Variants in DUSP16 observed in about 807,000 individuals in gnomAD.
DUSP16 encodes the protein dual specificity phosphatase 16, also known as dual specificity protein phosphatase 16.
Under a neutral mutation model 58.3 loss-of-function variants are expected in DUSP16, and 21 were observed. The ratio of observed to expected loss-of-function variants is 0.36; its 90% CI spans 0.26 to 0.52. DUSP16 has a LOEUF of 0.52. DUSP16 is among the 20% of genes least tolerant of loss of function. The probability of loss-of-function intolerance (pLI) is 0.94; values close to 1 mark genes in which losing one functional copy is unlikely to be tolerated. For missense variants in DUSP16, 726 were observed against 819.0 expected (o/e 0.89, Z 1.39); for synonymous variants, 320 against 323.8 (o/e 0.99, Z 0.12).
intron 5 of DUSP16, among the ~76,000 whole-genome samples, chr12:12,482,059 A>G (rs1471126387): frequency 6.6e-6 from 1 of 152,182 alleles, no homozygotes; most frequent in Admixed American, 6.5e-5. Context: ...CCTATTATTG[A>G]AAACTGCTTC....
chr12:12,478,175 A>G (rs1943494996), intron 6 of DUSP16, among the ~76,000 whole-genome samples, 160 bp from the exon 7 acceptor site: 1 of 152,198 alleles, frequency 6.6e-6, no homozygotes, highest in Non-Finnish European at 1.5e-5. Flanking sequence ...GGTGGAGAAT[A>G]CAAAGGCCCT....
At chr12:12,490,672 A>T (rs941146831) in intron 4 of DUSP16, among the ~76,000 whole-genome samples, 3 of 152,196 alleles carry the variant, frequency 2.0e-5, no homozygotes, top group Admixed American at 6.5e-5. Flanking sequence ...ATCACACCTA[A>T]GTGCATCTAC....
intron 1 of DUSP16, among the ~76,000 whole-genome samples, chr12:12,561,711 A>T (rs1944906806): frequency 6.6e-6 from 1 of 152,140 alleles, no homozygotes; most frequent in East Asian, 1.9e-4. Flanking sequence ...GTGTTGTGTA[A>T]CAGTCGCGCC....
chr12:12,479,872 T>C (rs1258482579), intron 6 of DUSP16, among the ~76,000 whole-genome samples: 3 of 152,226 alleles, frequency 2.0e-5, no homozygotes, highest in Non-Finnish European at 4.4e-5. Flanking sequence ...GTGAGCATTC[T>C]ATTAGAGCTT....
intron 1 of DUSP16, among the ~76,000 whole-genome samples, chr12:12,530,543 G>T (rs1357476451): frequency 6.6e-6 from 1 of 152,002 alleles, no homozygotes; most frequent in Non-Finnish European, 1.5e-5. Flanking sequence ...TGCTTTTGTT[G>T]TCCATGCTTT....
intron 4 of DUSP16, among the ~76,000 whole-genome samples, chr12:12,497,113 T>C (rs1943838707): frequency 6.6e-6 from 1 of 152,218 alleles, no homozygotes; most frequent in African/African-American, 2.4e-5. Context: ...CTGTAAAATA[T>C]CTCAGTAATT....
At chr12:12,521,799 C>T (rs1308101361) in intron 1 of DUSP16, among the ~76,000 whole-genome samples, 1 of 152,164 alleles carries the variant, frequency 6.6e-6, no homozygotes, top group Non-Finnish European at 1.5e-5. Flanking sequence ...TATTATTATT[C>T]CAAATAGTTT....
Position 12,473,995 on chromosome 12 carries a change from C to T in DUSP16, c.*2838G>A, listed in dbSNP as rs142745483. Among the ~76,000 whole-genome samples, 25 of 152,244 alleles carry T rather than the reference C, an allele frequency of 1.6e-4. 1 individual carries two copies. Among genetic ancestry groups the T allele is most frequent in the Middle Eastern group, 3.4e-3 (1 of 294 alleles). The stretch of plus-strand genomic sequence containing the variant: ...CTTTTTCACTGTAGTGTGCATTTAA[C>T]GTACACAGTAAAGAATGAAGGCTGG... On this transcript the variant is annotated 3_prime_UTR_variant, in exon 7 of 7. Coordinates refer to ENST00000298573, the MANE Select transcript of DUSP16 (RefSeq NM_030640.3).
In DUSP16 at chr12:12,562,268, T is replaced by C. The variant is rs1400323883; in HGVS notation, c.-517A>G. 3 of 144,802 alleles carry C rather than the reference T, an allele frequency of 2.1e-5. No individual in the cohort carries two copies. The East Asian group carries it at 6.8e-4, about 33-fold the overall frequency. The allele number at this position is 144,802 out of a possible 1,614,324, so 9.0% of individuals were successfully genotyped here. On this transcript the variant is annotated 5_prime_UTR_variant, in exon 1 of 7. Transcript: ENST00000298573. Reference sequence around the variant, plus strand: ...TCCCGCTCGCGTCCCGTCCCGTCGCTCTCCTCCTCCTCTTCTTTTCAGTAT... The same window carrying C: ...TCCCGCTCGCGTCCCGTCCCGTCGCCCTCCTCCTCCTCTTCTTTTCAGTAT...
intron 4 of DUSP16, among the ~76,000 whole-genome samples, chr12:12,493,967 G>A (rs1373331191): frequency 6.6e-6 from 1 of 152,100 alleles, no homozygotes; most frequent in Non-Finnish European, 1.5e-5. Flanking sequence ...TCATTTCCTG[G>A]TGTACCCCCA....
At position 12,480,263 on chromosome 12, in the gene DUSP16, T is replaced by G. The variant is rs763903335; in HGVS notation, c.775A>C (p.Ile259Leu). ...AAAGACATGTCCATCCTCTTCATGA[T>G]GTAGGCGATAGCGATGGTGGCGGAG... The part of the protein sequence containing the change: ...SRSATIAIAY[I>L]MKRMDMSLDE... The change falls in exon 6 of 7, where the codon ATC becomes CTC. Residue 259 changes from isoleucine (I) to leucine (L), a missense_variant. Coordinates refer to ENST00000298573, the MANE Select transcript of DUSP16 (RefSeq NM_030640.3). 3.1e-6 allele frequency: 5 copies of G among 1,614,098 alleles called. No individual in the cohort carries two copies. Among genetic ancestry groups the G allele is most frequent in the African/African-American group, 1.3e-5 (1 of 74,944 alleles).
intron 5 of DUSP16, among the ~76,000 whole-genome samples, chr12:12,484,775 CCATGCCCGACTA>C (rs1437041148): frequency 2.0e-5 from 3 of 151,976 alleles, no homozygotes; most frequent in African/African-American, 7.2e-5. Context: ...GTGCCCGCCA[CCATGCCCGACTA>C]ATTTTTATAT....
At chr12:12,531,243 C>A (rs1332260563) in intron 1 of DUSP16, among the ~76,000 whole-genome samples, 1 of 152,202 alleles carries the variant, frequency 6.6e-6, no homozygotes, top group Non-Finnish European at 1.5e-5. Flanking sequence ...TGGAATGCAA[C>A]ACCGACACCA....
chr12:12,514,685 T>G (rs1163971996), intron 3 of DUSP16, among the ~76,000 whole-genome samples: 1 of 152,200 alleles, frequency 6.6e-6, no homozygotes, highest in Non-Finnish European at 1.5e-5. Flanking sequence ...TTTCTTCTTT[T>G]GGAGACAGGG....
rs1403088840 is a variant in DUSP16 at position 12,477,205 on chromosome 12, A to T, written c.1626T>A (p.Asp542Glu). The change falls in exon 7 of 7, where the codon GAT (aspartate) becomes GAA (glutamate). Residue 542 changes from aspartate to glutamate, a missense_variant. Coordinates refer to ENST00000298573, the MANE Select transcript of DUSP16 (RefSeq NM_030640.3). This position sits in a 1 kb window ranked among gnomAD's most constrained non-coding sequence, Gnocchi z 4.1. ...GGGTAGAGGTCTGGGGGGCCAAGAT[A>T]TCCGAGTGCCAGCCCTTAAGGCCCA... ...AGLGLKGWHS[D>E]ILAPQTSTPS... 6.2e-7 allele frequency: 1 copy of T among 1,614,200 alleles called. No homozygotes were observed. The highest frequency in any genetic ancestry group is 1.7e-5 in the Admixed American group (1 of 60,032).
intron 5 of DUSP16, among the ~76,000 whole-genome samples, chr12:12,486,170 T>G (rs1943678719): frequency 6.6e-6 from 1 of 152,112 alleles, no homozygotes; most frequent in East Asian, 1.9e-4. Context: ...AATTATGGAT[T>G]AGGGTGCTCC....
intron 1 of DUSP16, among the ~76,000 whole-genome samples, chr12:12,537,699 A>T (rs538923759): frequency 2.2e-4 from 34 of 152,362 alleles, no homozygotes; most frequent in Non-Finnish European, 3.4e-4. Flanking sequence ...CAGATTATGA[A>T]ATACATTCAA....
At chr12:12,525,485 A>G (rs1480166162) in intron 1 of DUSP16, among the ~76,000 whole-genome samples, 1 of 151,896 alleles carries the variant, frequency 6.6e-6, no homozygotes, top group Non-Finnish European at 1.5e-5. Flanking sequence ...GCTGGTCTCG[A>G]ACTCCCGACC....
At chr12:12,486,955 G>T in intron 5 of DUSP16, 73 bp downstream of exon 5, 2 of 1,539,264 alleles carry the variant, frequency 1.3e-6, no homozygotes, top group Non-Finnish European at 1.8e-6. Context: ...AAGAAAAAAT[G>T]GGGGGCTGAG....
Sources: allele counts gnomAD v4.1 joint callset (sites outside exome capture counted in the v4.1 genomes callset), GRCh38; gene constraint gnomAD v4.1.1; non-coding constraint Gnocchi (gnomAD v3.1); transcripts MANE v1.5; gene names NCBI Gene and HGNC (gene_info 2026-07-23, HGNC 2026-07-21).